HK1: variants seen among roughly 807,000 people sequenced by gnomAD.
HK1 encodes the protein hexokinase-1.
Under a neutral mutation model 91.6 loss-of-function variants are expected in HK1, and 28 were observed. The observed-to-expected ratio is 0.31, with a 90% confidence interval of 0.23 to 0.42. The LOEUF is 0.42. HK1 is among the 10% of genes least tolerant of loss of function. HK1 has a pLI of 1.00. For synonymous variants in HK1, 430 were observed against 468.1 expected, an observed-to-expected ratio of 0.92 and a Z score of 1.05; for missense variants, 770 against 1,219.8, an observed-to-expected ratio of 0.63 and a Z score of 5.49.
chr10:69,340,916 C>G (rs887852804), intron 1 of HK1, among the ~76,000 whole-genome samples: 2 of 152,108 alleles, frequency 1.3e-5, no homozygotes, highest in Non-Finnish European at 2.9e-5. Flanking sequence ...AAACCACCCT[C>G]CCTCCCCTTC....
chr10:69,369,160 C>T lies in HK1; in HGVS notation c.592-77C>T. On this transcript the variant is annotated intron_variant, in intron 5 of 17. Coordinates refer to ENST00000359426, the MANE Select transcript of HK1 (RefSeq NM_000188.3). This position sits in a 1 kb window ranked among gnomAD's most constrained non-coding sequence, Gnocchi z 4.4. ...AGGGGTTCTGAAAACGGGAGCACTT[C>T]TGCCAAGCGCTGTTAAGGTGTGTGA... 1 of 1,091,304 alleles carries T rather than the reference C, an allele frequency of 9.2e-7. No homozygotes were observed. The highest frequency in any genetic ancestry group is 1.4e-6 in the Non-Finnish European group (1 of 710,592). 67.6% of individuals were successfully genotyped at this position (1,091,304 alleles called of 1,614,324 possible).
At chr10:69,280,821 G>A (rs551312883) in intron 1 of HK1, among the ~76,000 whole-genome samples, 101 of 152,294 alleles carry the variant, frequency 6.6e-4, no homozygotes, top group African/African-American at 2.3e-3. Context: ...CAGCCTGAAC[G>A]GACCAAGACA....
intron 5 of HK1, among the ~76,000 whole-genome samples, chr10:69,303,831 A>G (rs1845986462): frequency 6.6e-6 from 1 of 152,216 alleles, no homozygotes; most frequent in Non-Finnish European, 1.5e-5. Context: ...TATTACTCAA[A>G]TCAGTCTCCT....
chr10:69,374,834 G>C (rs61870059), intron 7 of HK1, among the ~76,000 whole-genome samples: 46,253 of 152,192 alleles, frequency 0.3, 7,671 homozygotes, highest in African/African-American at 0.43. Context: ...TGATGTTAGC[G>C]CATCCTATGG....
intron 5 of HK1, among the ~76,000 whole-genome samples, chr10:69,306,905 G>C (rs1161957546): frequency 4.6e-5 from 7 of 152,208 alleles, no homozygotes; most frequent in Non-Finnish European, 1.0e-4. Context: ...CTTTGGCATA[G>C]GGAGTTTGTT....
chr10:69,295,826 C>T lies in HK1; in HGVS notation c.-67+146C>T, dbSNP rs908341750. The T allele has an allele frequency of 3.2e-5, 22 of 687,894 alleles. 1 individual carries two copies. The South Asian group carries it at 3.5e-4, about 11-fold the overall frequency. 42.6% of individuals were successfully genotyped at this position (687,894 alleles called of 1,614,324 possible). On this transcript the variant is annotated intron_variant, in intron 4 of 21. Transcript: ENST00000360289. ...CAGGGTGTGGAGCAGTATTGACCTCCAACTTGCTCCCTGCTGGACTCAGTA... is the reference window on the plus strand; with the variant it reads ...CAGGGTGTGGAGCAGTATTGACCTCTAACTTGCTCCCTGCTGGACTCAGTA...
rs1190890861 is a variant in HK1, at chr10:69,382,094, A to G, written c.1266-393A>G. ...TTTGTGTAATGAAAAAAGCAGGTGCAGAAAATGGAATTAGGCTGGGCACAG... is the reference window on the plus strand; with the variant it reads ...TTTGTGTAATGAAAAAAGCAGGTGCGGAAAATGGAATTAGGCTGGGCACAG... On this transcript the variant is annotated intron_variant, in intron 9 of 17. Transcript: ENST00000359426. Among the ~76,000 whole-genome samples, 7 of 152,388 alleles carry G rather than the reference A, an allele frequency of 4.6e-5. No individual in the cohort carries two copies. In the South Asian group the frequency reaches 1.2e-3, roughly 27 times the overall value.
At chr10:69,396,241 A>G (rs945021564) in intron 16 of HK1, among the ~76,000 whole-genome samples, 1 of 149,724 alleles carries the variant, frequency 6.7e-6, no homozygotes, top group African/African-American at 2.5e-5. Flanking sequence ...ACTGCACTCC[A>G]TCCTGGGCGA....
intron 8 of HK1, among the ~76,000 whole-genome samples, chr10:69,378,626 G>A (rs1483790140): frequency 1.3e-5 from 2 of 152,068 alleles, no homozygotes; most frequent in African/African-American, 4.8e-5. Context: ...CACCTTGTTG[G>A]CCAGGCTGGT....
In HK1 at chr10:69,380,516, C is replaced by T. The variant is rs1839338133; in HGVS notation, c.1265+421C>T. ...CTCTGGGTGGAATGTGTCTGTCTCT[C>T]GTCCGCATTTCATCAGGAGGACCTT... On this transcript the variant is annotated intron_variant, in intron 9 of 17. Transcript: ENST00000359426. The surrounding 1 kb of genome is among the most constrained non-coding windows in gnomAD (Gnocchi z 4.0). Among the ~76,000 whole-genome samples, 2 of 152,162 alleles carry T rather than the reference C, an allele frequency of 1.3e-5. No homozygotes were observed. The highest frequency in any genetic ancestry group is 1.3e-4 in the Admixed American group (2 of 15,270).
chr10:69,279,714 T>A (rs1394414721), intron 1 of HK1, among the ~76,000 whole-genome samples: 1 of 152,186 alleles, frequency 6.6e-6, no homozygotes, highest in Admixed American at 6.5e-5. Context: ...AATGCAGGAC[T>A]TAAAGGAAAC....
At chr10:69,270,270 C>G (rs983900444) in intron 1 of HK1, among the ~76,000 whole-genome samples, 10 of 152,062 alleles carry the variant, frequency 6.6e-5, no homozygotes, top group African/African-American at 2.4e-4. Flanking sequence ...GCCACTGCAC[C>G]CAGCTGACTT....
chr10:69,334,480 A>C (rs1237834375), intron 1 of HK1, among the ~76,000 whole-genome samples: 1 of 152,158 alleles, frequency 6.6e-6, no homozygotes, highest in Non-Finnish European at 1.5e-5. Flanking sequence ...AGGGGAAGGC[A>C]GGGGTTAGAA....
Position 69,280,686 on chromosome 10 carries a change from T to C in HK1, c.-390-1843T>C, listed in dbSNP as rs1392206575. Among the ~76,000 whole-genome samples, 5 of 152,258 alleles carry C rather than the reference T, an allele frequency of 3.3e-5. No individual in the cohort carries two copies. The South Asian group carries it at 6.2e-4, about 19-fold the overall frequency. On this transcript the variant is annotated intron_variant, in intron 1 of 21. Transcript: ENST00000360289. The stretch of plus-strand genomic sequence containing the variant: ...GAGTAAGAAGGCTGTCTTTGAGAAA[T>C]GAGCCCTCACCAGGCAGGCACCAAA...
chr10:69,293,573 C>T (rs560961225), intron 3 of HK1, among the ~76,000 whole-genome samples: 9 of 152,236 alleles, frequency 5.9e-5, no homozygotes, highest in African/African-American at 1.4e-4. Context: ...TCTTATTTAC[C>T]GGCAATCCTG....
At chr10:69,379,170 CA>C (rs986201473) in intron 8 of HK1, among the ~76,000 whole-genome samples, 45 of 151,776 alleles carry the variant, frequency 3.0e-4, no homozygotes, top group Admixed American at 2.3e-3. Context: ...AAAAATCTGT[CA>C]AAAAAAGATG....
At chr10:69,398,449 CCA>C (rs1227824146) in intron 16 of HK1, 144 bp from the exon 17 acceptor site, 3 of 701,562 alleles carry the variant, frequency 4.3e-6, no homozygotes, top group South Asian at 1.5e-5. Context: ...GCCAAATTCT[CCA>C]CAGTTTAACA....
At chr10:69,295,597 A>T in intron 3 of HK1, 1 of 1,495,888 alleles carries the variant, frequency 6.7e-7, no homozygotes, top group Non-Finnish European at 9.3e-7. Flanking sequence ...GCTAAAATGC[A>T]TTTGTAACAC....
intron 15 of HK1, 117 bp downstream of exon 15, chr10:69,392,425 A>C (rs1839936366): frequency 1.8e-6 from 2 of 1,081,182 alleles, no homozygotes; most frequent in Non-Finnish European, 2.8e-6. Flanking sequence ...AGAGGTTTCA[A>C]GACTGGACCC....
Sources: gnomAD v4.1 joint callset for allele counts (sites outside exome capture counted in the v4.1 genomes callset) on GRCh38, gnomAD v4.1.1 for gene constraint, Gnocchi (gnomAD v3.1) non-coding constraint, MANE v1.5 for transcripts, NCBI Gene and HGNC (gene_info 2026-07-23, HGNC 2026-07-21) for gene names.